REM1: variants seen among roughly 807,000 people sequenced by gnomAD.
The protein encoded by REM1 is RRAD and GEM like GTPase 1, also known as GTP-binding protein REM 1.
Under a neutral mutation model 27.0 loss-of-function variants are expected in REM1, and 20 were observed. That is an observed-to-expected ratio of 0.74 (90% CI 0.52 to 1.08). REM1 has a LOEUF of 1.08. Ranked by LOEUF, REM1 falls within the 50% of genes least tolerant of loss-of-function variation. The probability of loss-of-function intolerance (pLI) is 0.00; values close to 1 mark genes in which losing one functional copy is unlikely to be tolerated. For synonymous variants in REM1, 159 were observed against 167.9 expected, an observed-to-expected ratio of 0.95 and a Z score of 0.41; for missense variants, 405 against 407.0, an observed-to-expected ratio of 1.00 and a Z score of 0.04.
rs1980475469 is a variant in REM1, at chr20:31,475,831, A to AC, written c.-219-390dup. ...CGGGTTACAGTCGGGTTACCCCCATACCCCCCTCGCGCTTCTGGAGTGCCA... is the reference window on the plus strand; with the variant it reads ...CGGGTTACAGTCGGGTTACCCCCATACCCCCCCTCGCGCTTCTGGAGTGCCA... On this transcript the variant is annotated intron_variant, in intron 1 of 4. Transcript: ENST00000201979. The surrounding 1 kb of genome is among the most constrained non-coding windows in gnomAD (Gnocchi z 5.0). Among the ~76,000 whole-genome samples, 1 of 151,364 alleles carries AC rather than the reference A, an allele frequency of 6.6e-6. No homozygotes were observed.
At position 31,482,346 on chromosome 20, in the gene REM1, C is replaced by T. The variant is rs373543972; in HGVS notation, c.483C>T (p.Tyr161=). 9.9e-6 allele frequency: 16 copies of T among 1,614,068 alleles called. No individual in the cohort carries two copies. In the African/African-American group the frequency reaches 1.5e-4, roughly 15 times the overall value. ...GGGGCAGTGCCTATGTCATCGTATACTCCATCGCAGACCGAGGCAGCTTTG... is the reference window on the plus strand; with the variant it reads ...GGGGCAGTGCCTATGTCATCGTATATTCCATCGCAGACCGAGGCAGCTTTG... The part of the protein sequence containing the change: ...LQGGSAYVIV[Y]SIADRGSFES... Residue 161 remains tyrosine (Y), a synonymous_variant, in exon 4 of 5, where the codon TAC becomes TAT. Transcript: ENST00000201979.
At chr20:31,482,645 C>A (rs1980777148) in intron 4 of REM1, among the ~76,000 whole-genome samples, 157 bp downstream of exon 4, 1 of 152,184 alleles carries the variant, frequency 6.6e-6, no homozygotes, top group African/African-American at 2.4e-5. Context: ...TTGCCTCCCA[C>A]TCATCACCCC....
At chr20:31,477,729 G>A in intron 2 of REM1, 99 bp from the exon 3 acceptor site, 1 of 824,926 alleles carries the variant, frequency 1.2e-6, no homozygotes, top group Non-Finnish European at 2.0e-6. Flanking sequence ...CCGAGGACAA[G>A]TGGAGGGGGC....
In REM1 at chr20:31,475,335, T is replaced by C. The variant is rs1215875555; in HGVS notation, c.-251T>C. On this transcript the variant is annotated 5_prime_UTR_variant, in exon 1 of 5. Transcript: ENST00000201979. The surrounding 1 kb of genome is among the most constrained non-coding windows in gnomAD (Gnocchi z 5.0). The stretch of plus-strand genomic sequence containing the variant: ...GCCTGGAGCATCCAGCCGCTGGAGC[T>C]GCGAGGGACCCTGGACCCCTCCCAC... The C allele has an allele frequency of 6.6e-6, 1 of 152,454 alleles. No homozygotes were observed. The highest frequency in any genetic ancestry group is 1.5e-5 in the Non-Finnish European group (1 of 68,236). The allele number at this position is 152,454 out of a possible 1,614,324, so 9.4% of individuals were successfully genotyped here. A position where few individuals can be genotyped will look rare whatever the true frequency, so the allele number is the denominator to read the frequency against.
chr20:31,481,425 G>T (rs6088338), intron 3 of REM1, among the ~76,000 whole-genome samples: 2 of 151,370 alleles, frequency 1.3e-5, no homozygotes, highest in African/African-American at 4.9e-5. Context: ...AACCCCATTC[G>T]CCAGTCCCCT....
Position 31,475,560 on chromosome 20 carries a change from G to A in REM1, c.-220+194G>A, listed in dbSNP as rs1215599918. 1.3e-5 allele frequency among the ~76,000 whole-genome samples: 2 copies of A among 152,212 alleles called. No individual in the cohort carries two copies. Among genetic ancestry groups the A allele is most frequent in the African/African-American group, 4.8e-5 (2 of 41,462 alleles). On this transcript the variant is annotated intron_variant, in intron 1 of 4. Transcript: ENST00000201979. The surrounding 1 kb of genome is among the most constrained non-coding windows in gnomAD (Gnocchi z 5.0). ...AAGACCCCTCCAACCCCAGGATGGG[G>A]GATTCACACCCGGGATGCCGGCTGA...
In REM1 at chr20:31,476,576, C is replaced by T; in HGVS notation, c.131C>T (p.Pro44Leu). 6.2e-7 allele frequency: 1 copy of T among 1,614,172 alleles called. No homozygotes were observed. The highest frequency in any genetic ancestry group is 1.1e-5 in the South Asian group (1 of 91,080). Residue 44 changes from proline (P) to leucine (L), a missense_variant, in exon 2 of 5, where the codon CCC (proline) becomes CTC (leucine). Pro to Leu is a moderately conservative substitution (Grantham distance 98, BLOSUM62 -3). Coordinates refer to ENST00000201979, the MANE Select transcript of REM1 (RefSeq NM_014012.6). ...STVPSTQSQH[P>L]RLGQSASLNP... Reference sequence around the variant, plus strand: ...GTGCCTTCCACTCAATCCCAGCATCCCCGGCTGGGCCAATCAGCCTCCCTC... The same window carrying T: ...GTGCCTTCCACTCAATCCCAGCATCTCCGGCTGGGCCAATCAGCCTCCCTC...
Position 31,484,212 on chromosome 20 carries a change from A to C in REM1, c.679A>C (p.Thr227Pro). The change falls in exon 5 of 5, where the codon ACG becomes CCG. Residue 227 changes from threonine (T) to proline (P), a missense_variant. Physicochemically the swap from Thr to Pro is conservative, Grantham distance 38. Transcript: ENST00000201979. ...CTGTAAATTCATCGAGACATCCGCC[A>C]CGCTGCAGCACAATGTGGCCGAGCT... The part of the protein sequence containing the change: ...FDCKFIETSA[T>P]LQHNVAELFE... 1.2e-6 allele frequency: 2 copies of C among 1,608,382 alleles called. No homozygotes were observed. The highest frequency in any genetic ancestry group is 1.7e-4 in the Middle Eastern group (1 of 6,046).
At chr20:31,479,667 C>T (rs1229917762) in intron 3 of REM1, among the ~76,000 whole-genome samples, 2 of 152,150 alleles carry the variant, frequency 1.3e-5, no homozygotes, top group East Asian at 3.8e-4. Context: ...AAAAAGTATC[C>T]ATCCGTTCCG....
rs372138525 is a variant in REM1 at position 31,476,409 on chromosome 20, A to G, written c.-37A>G. 3.5e-5 allele frequency: 52 copies of G among 1,469,240 alleles called. No individual in the cohort carries two copies. The highest frequency in any genetic ancestry group is 8.8e-5 in the Admixed American group (4 of 45,470). 91.0% of individuals were successfully genotyped at this position (1,469,240 alleles called of 1,614,324 possible). A position where few individuals can be genotyped will look rare whatever the true frequency, so the allele number is the denominator to read the frequency against. On this transcript the variant is annotated 5_prime_UTR_variant, in exon 2 of 5. Transcript: ENST00000201979. ...ACAGCCAATTCCCCCTTCTTTCAGAAGGAAAGAAGGAAGAAGCAAACCCCC... is the reference window on the plus strand; with the variant it reads ...ACAGCCAATTCCCCCTTCTTTCAGAGGGAAAGAAGGAAGAAGCAAACCCCC...
chr20:31,484,235 G>C lies in REM1; in HGVS notation c.702G>C (p.Glu234Asp), dbSNP rs574634636. ...TSATLQHNVAELFEGVVRQLR... is the reference protein window; with the variant it reads ...TSATLQHNVADLFEGVVRQLR... ...CCACGCTGCAGCACAATGTGGCCGA[G>C]CTCTTCGAGGGCGTGGTGCGCCAAC... The change falls in exon 5 of 5, where the codon GAG (glutamate) becomes GAC (aspartate). Residue 234 changes from glutamate (E) to aspartate (D), a missense_variant. Glu to Asp is a conservative substitution (Grantham distance 45). Coordinates refer to ENST00000201979, the MANE Select transcript of REM1 (RefSeq NM_014012.6). 2.3e-4 allele frequency: 367 copies of C among 1,607,682 alleles called. 4 individuals are homozygous for C. In the South Asian group the frequency reaches 3.9e-3, roughly 17 times the overall value.
intron 4 of REM1, among the ~76,000 whole-genome samples, chr20:31,483,890 A>G (rs964064357): frequency 3.3e-5 from 5 of 152,156 alleles, no homozygotes; most frequent in African/African-American, 1.2e-4. Context: ...GGGTCCAGGA[A>G]TCTGCATTTA....
Position 31,476,584 on chromosome 20 carries a change from G to A in REM1, c.139G>A (p.Gly47Ser), listed in dbSNP as rs775135996. The A allele has an allele frequency of 1.5e-5, 25 of 1,614,036 alleles. No homozygotes were observed. Among genetic ancestry groups the A allele is most frequent in the Middle Eastern group, 1.6e-4 (1 of 6,062 alleles). The change falls in exon 2 of 5, where the codon GGC becomes AGC. Residue 47 changes from glycine (G) to serine (S), a missense_variant. Transcript: ENST00000201979. ...PSTQSQHPRL[G>S]QSASLNPPTQ... ...CACTCAATCCCAGCATCCCCGGCTG[G>A]GCCAATCAGCCTCCCTCAACCCTCC...
In REM1 at chr20:31,482,341, G is replaced by A. The variant is rs200582719; in HGVS notation, c.478G>A (p.Val160Ile). 42 of 1,614,138 alleles carry A rather than the reference G, an allele frequency of 2.6e-5. No homozygotes were observed. Among genetic ancestry groups the A allele is most frequent in the East Asian group, 6.7e-5 (3 of 44,884 alleles). The change falls in exon 4 of 5, where the codon GTA becomes ATA. Residue 160 changes from valine to isoleucine, a missense_variant. Val to Ile is a conservative substitution (Grantham distance 29). Coordinates refer to ENST00000201979, the MANE Select transcript of REM1 (RefSeq NM_014012.6). ...GCAGGGGGGCAGTGCCTATGTCATC[G>A]TATACTCCATCGCAGACCGAGGCAG... ...CLQGGSAYVI[V>I]YSIADRGSFE...
chr20:31,477,784 G>C lies in REM1; in HGVS notation c.341-44G>C. Reference sequence around the variant, plus strand: ...GGCAGGGAACACCACACTCTCTCAGGCTTGCCCGTCCTCCCTGAGATCCAG... The same window carrying C: ...GGCAGGGAACACCACACTCTCTCAGCCTTGCCCGTCCTCCCTGAGATCCAG... On this transcript the variant is annotated intron_variant, in intron 2 of 4. Transcript: ENST00000201979. The C allele has an allele frequency of 2.0e-6, 3 of 1,496,776 alleles. No individual in the cohort carries two copies. The African/African-American group carries it at 4.1e-5, about 21-fold the overall frequency. The allele number at this position is 1,496,776 out of a possible 1,614,324, so 92.7% of individuals were successfully genotyped here.
chr20:31,484,238 C>T lies in REM1; in HGVS notation c.705C>T (p.Leu235=). Reference sequence around the variant, plus strand: ...CGCTGCAGCACAATGTGGCCGAGCTCTTCGAGGGCGTGGTGCGCCAACTGC... The same window carrying T: ...CGCTGCAGCACAATGTGGCCGAGCTTTTCGAGGGCGTGGTGCGCCAACTGC... ...SATLQHNVAE[L]FEGVVRQLRL... The change falls in exon 5 of 5, where the codon CTC becomes CTT. Residue 235 remains leucine (L), a synonymous_variant. Coordinates refer to ENST00000201979, the MANE Select transcript of REM1 (RefSeq NM_014012.6). The T allele has an allele frequency of 1.2e-6, 2 of 1,607,392 alleles. No individual in the cohort carries two copies. Among genetic ancestry groups the T allele is most frequent in the Non-Finnish European group, 1.7e-6 (2 of 1,177,964 alleles).
At chr20:31,479,448 A>G (rs1029200029) in intron 3 of REM1, among the ~76,000 whole-genome samples, 2 of 151,682 alleles carry the variant, frequency 1.3e-5, no homozygotes, top group African/African-American at 4.9e-5. Context: ...TGGGAGTCCC[A>G]CTCAGGAGAC....
Position 31,484,427 on chromosome 20 carries a change from C to T in REM1, c.894C>T (p.Leu298=), listed in dbSNP as rs1046649139. 6 of 1,502,072 alleles carry T rather than the reference C, an allele frequency of 4.0e-6. No individual in the cohort carries two copies. Among genetic ancestry groups the T allele is most frequent in the Non-Finnish European group, 5.3e-6 (6 of 1,123,786 alleles). The allele number at this position is 1,502,072 out of a possible 1,614,324, so 93.0% of individuals were successfully genotyped here. A position where few individuals can be genotyped will look rare whatever the true frequency, so the allele number is the denominator to read the frequency against. ...RSKSCHNLAV[L] ...AGTCCTGCCACAATCTGGCCGTGCT[C>T]TGAAGCCCCCCGCCCTTCTGAGAGT... is the stretch of plus-strand genomic sequence containing the variant. Residue 298 remains leucine (L), a synonymous_variant, in exon 5 of 5, where the codon CTC becomes CTT. Coordinates refer to ENST00000201979, the MANE Select transcript of REM1 (RefSeq NM_014012.6).
chr20:31,479,468 AG>A (rs1006369813), intron 3 of REM1, among the ~76,000 whole-genome samples: 2 of 152,210 alleles, frequency 1.3e-5, no homozygotes, highest in Non-Finnish European at 2.9e-5. Flanking sequence ...CAGGGGAGAA[AG>A]GATACTAGAC....
Sources: allele counts gnomAD v4.1 joint callset (sites outside exome capture counted in the v4.1 genomes callset), GRCh38; gene constraint gnomAD v4.1.1; non-coding constraint Gnocchi (gnomAD v3.1); transcripts MANE v1.5; gene names NCBI Gene and HGNC (gene_info 2026-07-23, HGNC 2026-07-21).